The following AGBL4 variants were observed in gnomAD, a reference collection of about 807,000 sequenced individuals.
AGBL4 encodes AGBL carboxypeptidase 4, also known as cytosolic carboxypeptidase 6.
Under a neutral mutation model 66.4 loss-of-function variants are expected in AGBL4, and 58 were observed. The ratio of observed to expected loss-of-function variants is 0.87; its 90% CI spans 0.71 to 1.09. The LOEUF (loss-of-function observed/expected upper bound fraction) is 1.09, where lower values mean the gene tolerates loss of function less well. Ranked by LOEUF, AGBL4 falls within the 50% of genes least tolerant of loss-of-function variation. The pLI is 0.00. For missense variants in AGBL4, 579 were observed against 631.0 expected (o/e 0.92, Z 0.88); for synonymous variants, 234 against 222.9 (o/e 1.05, Z -0.44).
chr1:49,430,675 A>G (rs924382986), intron 3 of AGBL4, among the ~76,000 whole-genome samples: 126 of 151,982 alleles, frequency 8.3e-4, no homozygotes, highest in African/African-American at 3.0e-3. Flanking sequence ...TACGTGTATC[A>G]TAAGTATAAA....
chr1:49,536,055 CTA>C (rs1651557611), intron 3 of AGBL4, among the ~76,000 whole-genome samples: 1 of 152,122 alleles, frequency 6.6e-6, no homozygotes, highest in Non-Finnish European at 1.5e-5. Flanking sequence ...GTAGTTGTTA[CTA>C]GTTTTCTATT....
chr1:48,566,668 C>T (rs1172880963), intron 11 of AGBL4, among the ~76,000 whole-genome samples: 2 of 152,236 alleles, frequency 1.3e-5, no homozygotes, highest in African/African-American at 2.4e-5. Flanking sequence ...AGATTGTCCT[C>T]CATAATGTGG....
intron 4 of AGBL4, among the ~76,000 whole-genome samples, chr1:49,107,694 T>TGTGTGAGA (rs764451269): frequency 1.7e-4 from 19 of 113,998 alleles, no homozygotes; most frequent in African/African-American, 6.3e-4. Flanking sequence ...TGTGTGTGTG[T>TGTGTGAGA]GAGAGAGAGA....
At chr1:49,881,363 T>G (rs1647282918) in intron 1 of AGBL4, among the ~76,000 whole-genome samples, 1 of 152,114 alleles carries the variant, frequency 6.6e-6, no homozygotes, top group Admixed American at 6.5e-5. Flanking sequence ...GCATCTGTCT[T>G]TACAGCAGCA....
intron 6 of AGBL4, among the ~76,000 whole-genome samples, chr1:48,724,194 G>C (rs1282875911): frequency 6.6e-6 from 1 of 152,158 alleles, no homozygotes; most frequent in Non-Finnish European, 1.5e-5. Context: ...CTCTTGGGGG[G>C]CACATTAATT....
chr1:49,756,983 C>T (rs1005789116), intron 2 of AGBL4, among the ~76,000 whole-genome samples: 1 of 152,072 alleles, frequency 6.6e-6, no homozygotes, highest in Non-Finnish European at 1.5e-5. Flanking sequence ...TGGCTGTGTT[C>T]CCACCCAAAG....
intron 6 of AGBL4, among the ~76,000 whole-genome samples, chr1:48,786,428 A>T (rs1645409026): frequency 6.6e-6 from 1 of 152,212 alleles, no homozygotes; most frequent in Non-Finnish European, 1.5e-5. Flanking sequence ...GTTTTGATAT[A>T]GGCCTTGCCT....
intron 6 of AGBL4, among the ~76,000 whole-genome samples, chr1:48,713,662 C>T (rs1647002291): frequency 6.6e-6 from 1 of 152,148 alleles, no homozygotes; most frequent in South Asian, 2.1e-4. Context: ...GAAGACAGAG[C>T]ATCAACTACA....
chr1:49,576,857 AT>A (rs1644447017), intron 3 of AGBL4, among the ~76,000 whole-genome samples: 1 of 152,176 alleles, frequency 6.6e-6, no homozygotes, highest in Non-Finnish European at 1.5e-5. Flanking sequence ...TCTGCACGAT[AT>A]GTAGAAACCA....
rs1003434281 is a variant in AGBL4, at chr1:48,958,115, C to A, written c.594+87469G>T. On this transcript the variant is annotated intron_variant, in intron 5 of 13. Coordinates refer to ENST00000371839, the MANE Select transcript of AGBL4 (RefSeq NM_032785.4). ...CCTCGTGATCCGCCTGCCTCGGCCT[C>A]CCAAAGTGCTGGGATTACAGGCGTG... Among the ~76,000 whole-genome samples, 5 of 152,096 alleles carry A rather than the reference C, an allele frequency of 3.3e-5. No individual in the cohort carries two copies. The East Asian group carries it at 5.8e-4, about 18-fold the overall frequency.
chr1:49,355,991 G>C (rs1207781508), intron 3 of AGBL4, among the ~76,000 whole-genome samples: 3 of 152,160 alleles, frequency 2.0e-5, no homozygotes, highest in African/African-American at 7.2e-5. Flanking sequence ...TCTTAGGGGA[G>C]AGTCTTTACT....
chr1:48,782,498 C>G (rs74667094), intron 6 of AGBL4, among the ~76,000 whole-genome samples: 3,799 of 152,252 alleles, frequency 0.025, 135 homozygotes, highest in African/African-American at 0.087. Context: ...TTGGAGCGTG[C>G]CTTTTCAACC....
chr1:48,763,679 T>C lies in AGBL4; in HGVS notation c.635-100438A>G, dbSNP rs552290668. Among the ~76,000 whole-genome samples the C allele has an allele frequency of 1.8e-4, 28 of 152,316 alleles. No homozygotes were observed. In the South Asian group the frequency reaches 5.8e-3, roughly 32 times the overall value. ...TATGCCTTCCTGCGCTGAAACTCTG[T>C]AGCTCAGGATCATGTTAGTGTGGAG... On this transcript the variant is annotated intron_variant, in intron 6 of 13. Transcript: ENST00000371839.
At chr1:49,362,397 CA>C (rs1428991490) in intron 3 of AGBL4, among the ~76,000 whole-genome samples, 1 of 124,022 alleles carries the variant, frequency 8.1e-6, no homozygotes, top group Non-Finnish European at 1.6e-5. Flanking sequence ...TCAAACTTTT[CA>C]AAAAATCCAA....
intron 4 of AGBL4, among the ~76,000 whole-genome samples, chr1:49,063,006 G>T (rs576607315): frequency 6.6e-6 from 1 of 152,084 alleles, no homozygotes; most frequent in Admixed American, 6.5e-5. Context: ...GGGTTATTAT[G>T]TTAATTAAAA....
intron 1 of AGBL4, among the ~76,000 whole-genome samples, chr1:49,874,937 C>T (rs1222334733): frequency 6.8e-6 from 1 of 148,106 alleles, no homozygotes; most frequent in Admixed American, 6.8e-5. Context: ...AACTTGTCAT[C>T]TAGCATTAGG....
intron 3 of AGBL4, among the ~76,000 whole-genome samples, chr1:49,247,974 A>G (rs546184960): frequency 1.6e-4 from 25 of 152,238 alleles, no homozygotes; most frequent in Non-Finnish European, 2.4e-4. Context: ...TAAAGATCAT[A>G]CCTTCTCTAT....
intron 5 of AGBL4, among the ~76,000 whole-genome samples, chr1:48,989,091 C>G (rs1218310726): frequency 6.6e-6 from 1 of 152,082 alleles, no homozygotes; most frequent in African/African-American, 2.4e-5. Context: ...TCGTCAGGGC[C>G]CTGGCTTTAT....
At chr1:49,407,339 C>T (rs2148621449) in intron 3 of AGBL4, among the ~76,000 whole-genome samples, 1 of 152,034 alleles carries the variant, frequency 6.6e-6, no homozygotes, top group South Asian at 2.1e-4. Context: ...CTGTGGCTTT[C>T]ATCTACACCA....
Sources: gnomAD v4.1 joint callset for allele counts (sites outside exome capture counted in the v4.1 genomes callset) on GRCh38, gnomAD v4.1.1 for gene constraint, MANE v1.5 for transcripts, NCBI Gene and HGNC (gene_info 2026-07-23, HGNC 2026-07-21) for gene names.